Variants in GNG7 observed in about 807,000 individuals in gnomAD.
GNG7 encodes the protein G protein subunit gamma 7.
In GNG7, 1 loss-of-function variant was observed where a neutral mutation model predicts 4.0. The ratio of observed to expected loss-of-function variants is 0.25; its 90% CI spans 0.09 to 1.18. The LOEUF is 1.18. GNG7 is among the 50% of genes most tolerant of loss of function. The pLI, the probability that GNG7 is intolerant of heterozygous loss-of-function variation, is 0.50. For synonymous variants in GNG7, 34 were observed against 36.9 expected, an observed-to-expected ratio of 0.92 and a Z score of 0.29; for missense variants, 86 against 91.9, an observed-to-expected ratio of 0.94 and a Z score of 0.26.
intron 1 of GNG7, among the ~76,000 whole-genome samples, chr19:2,692,709 G>A (rs1913163250): frequency 1.3e-5 from 2 of 151,692 alleles, no homozygotes; most frequent in Admixed American, 1.3e-4. Context: ...AATGAAGTCC[G>A]ACGTGGTGGC....
chr19:2,599,476 G>A (rs2144810483), intron 2 of GNG7, among the ~76,000 whole-genome samples: 1 of 152,020 alleles, frequency 6.6e-6, no homozygotes, highest in South Asian at 2.1e-4. Context: ...CCTGGGAGGG[G>A]GGCCCTCGGG....
intron 1 of GNG7, among the ~76,000 whole-genome samples, chr19:2,655,030 A>T (rs1982929914): frequency 6.6e-6 from 1 of 152,042 alleles, no homozygotes; most frequent in African/African-American, 2.4e-5. Flanking sequence ...CTACAAAAAA[A>T]ATTTTAAAAC....
chr19:2,649,390 A>AATTATT (rs142328153), intron 1 of GNG7, among the ~76,000 whole-genome samples: 3 of 145,854 alleles, frequency 2.1e-5, no homozygotes, highest in South Asian at 2.2e-4. Flanking sequence ...CACCCCTAGG[A>AATTATT]ATTATTATTA....
In GNG7 at chr19:2,512,219, C is replaced by A. The variant is rs1043316404; in HGVS notation, c.*2803G>T. On this transcript the variant is annotated 3_prime_UTR_variant, in exon 5 of 5. Coordinates refer to ENST00000382159, the MANE Select transcript of GNG7 (RefSeq NM_052847.3). The surrounding 1 kb of genome is among the most constrained non-coding windows in gnomAD (Gnocchi z 4.7). The stretch of plus-strand genomic sequence containing the variant: ...CCCGTCTGGAGGTGCACGCGCGCTC[C>A]TGGAAACGCCCATAAAACATGCGTT... 1.6e-5 allele frequency: 16 copies of A among 985,782 alleles called. No individual in the cohort carries two copies. Among genetic ancestry groups the A allele is most frequent in the Admixed American group, 6.1e-5 (1 of 16,264 alleles). 61.1% of individuals were successfully genotyped at this position (985,782 alleles called of 1,614,324 possible).
rs777608224 is a variant in GNG7, at chr19:2,633,515, A to ACACG, written c.-78+12708_-78+12709insCGTG. 6.8e-6 allele frequency among the ~76,000 whole-genome samples: 1 copy of ACACG among 147,146 alleles called. No homozygotes were observed. Among genetic ancestry groups the ACACG allele is most frequent in the African/African-American group, 2.5e-5 (1 of 39,684 alleles). Reference sequence around the variant, plus strand: ...CACACACACACACACACACACACACACACACACACGAGAGGTGGCTGTGGT... The same window carrying ACACG: ...CACACACACACACACACACACACACACACGCACACACACGAGAGGTGGCTGTGGT... On this transcript the variant is annotated intron_variant, in intron 2 of 4. Coordinates refer to ENST00000382159, the MANE Select transcript of GNG7 (RefSeq NM_052847.3). This position sits in a 1 kb window ranked among gnomAD's most constrained non-coding sequence, Gnocchi z 5.9.
chr19:2,641,392 A>G, intron 2 of GNG7, among the ~76,000 whole-genome samples: 1 of 152,188 alleles, frequency 6.6e-6, no homozygotes, highest in East Asian at 1.9e-4. Context: ...GAGATAGGAT[A>G]GCATCCGGGG....
At chr19:2,547,837 A>G (rs35623557) in intron 3 of GNG7, among the ~76,000 whole-genome samples, 28,153 of 152,156 alleles carry the variant, frequency 0.19, 2,663 homozygotes, top group African/African-American at 0.23. Context: ...CTCGGATGTG[A>G]AGTGCCTGCC....
chr19:2,548,117 C>T (rs1979187326), intron 3 of GNG7, among the ~76,000 whole-genome samples: 1 of 152,158 alleles, frequency 6.6e-6, no homozygotes, highest in African/African-American at 2.4e-5. Flanking sequence ...ACTACAGGCC[C>T]AGGGAGCTTC....
chr19:2,642,482 C>T (rs1982534580), intron 2 of GNG7: 13 of 342,194 alleles, frequency 3.8e-5, no homozygotes, highest in South Asian at 3.0e-4. Flanking sequence ...CCTCCCACCT[C>T]AGCCTCTTCA....
intron 2 of GNG7, chr19:2,631,871 A>C (rs1337234539): frequency 6.6e-6 from 1 of 152,244 alleles, no homozygotes; most frequent in East Asian, 1.9e-4. Flanking sequence ...GCTAACTTCT[A>C]AAATGAAGCC....
chr19:2,591,877 C>T (rs4806866), intron 2 of GNG7, among the ~76,000 whole-genome samples: 22,488 of 151,916 alleles, frequency 0.15, 3,584 homozygotes, highest in East Asian at 0.36. Flanking sequence ...TATTATAACA[C>T]CAAAGAGACA....
intron 2 of GNG7, among the ~76,000 whole-genome samples, chr19:2,556,833 G>A (rs892224173): frequency 2.0e-5 from 3 of 152,154 alleles, no homozygotes; most frequent in Non-Finnish European, 4.4e-5. Context: ...TCTGCAGGGT[G>A]GTGAGCTGCG....
At chr19:2,552,867 C>T (rs914576911) in intron 3 of GNG7, among the ~76,000 whole-genome samples, 6 of 151,280 alleles carry the variant, frequency 4.0e-5, no homozygotes, top group African/African-American at 1.5e-4. Flanking sequence ...CCCACCTCCC[C>T]ACTGTCTGTG....
intron 3 of GNG7, among the ~76,000 whole-genome samples, chr19:2,553,084 GTGA>G (rs1979386169): frequency 6.8e-6 from 1 of 147,282 alleles, no homozygotes; most frequent in Non-Finnish European, 1.5e-5. Context: ...AAAGAGCTAG[GTGA>G]TTGACAAACC....
At chr19:2,623,018 G>A (rs553834059) in intron 2 of GNG7, among the ~76,000 whole-genome samples, 1 of 152,312 alleles carries the variant, frequency 6.6e-6, no homozygotes, top group African/African-American at 2.4e-5. Flanking sequence ...CCACTTTCCG[G>A]CTAAGGTCCT....
chr19:2,615,157 G>A (rs1981684467), intron 2 of GNG7, among the ~76,000 whole-genome samples: 1 of 151,420 alleles, frequency 6.6e-6, no homozygotes, highest in African/African-American at 2.4e-5. Context: ...GGTGCCATCT[G>A]TGACACTCTT....
chr19:2,700,315 A>G (rs1414539415), intron 1 of GNG7, among the ~76,000 whole-genome samples: 1 of 151,888 alleles, frequency 6.6e-6, no homozygotes, highest in African/African-American at 2.4e-5. Flanking sequence ...CTAATTTTTG[A>G]TATTTTTAGT....
intron 1 of GNG7, among the ~76,000 whole-genome samples, chr19:2,674,770 T>G (rs1335351605): frequency 6.6e-6 from 1 of 152,216 alleles, no homozygotes; most frequent in Non-Finnish European, 1.5e-5. Context: ...AGAGGACACC[T>G]GCTGAGATGC....
chr19:2,527,368 G>T (rs1048090340), intron 3 of GNG7, among the ~76,000 whole-genome samples: 19 of 152,132 alleles, frequency 1.2e-4, no homozygotes, highest in African/African-American at 4.6e-4. Flanking sequence ...TTTTGGTGTC[G>T]CGCATCCCTC....
Sources: allele counts gnomAD v4.1 joint callset (sites outside exome capture counted in the v4.1 genomes callset), GRCh38; gene constraint gnomAD v4.1.1; non-coding constraint Gnocchi (gnomAD v3.1); transcripts MANE v1.5; gene names NCBI Gene and HGNC (gene_info 2026-07-23, HGNC 2026-07-21).